The following MLF1 variants were observed in gnomAD, a reference collection of about 807,000 sequenced individuals.
The protein encoded by MLF1 is myeloid leukemia factor 1, also known as myelodysplasia-myeloid leukemia factor 1.
MLF1 carries 37 observed loss-of-function variants against 38.3 expected under a neutral mutation model. The observed-to-expected ratio is 0.96, with a 90% confidence interval of 0.74 to 1.27. The LOEUF (loss-of-function observed/expected upper bound fraction) is 1.27, where lower values mean the gene tolerates loss of function less well. Ranked by LOEUF, MLF1 falls within the 50% of genes most tolerant of loss-of-function variation. The pLI is 0.00. For synonymous variants in MLF1, 95 were observed against 106.5 expected, an observed-to-expected ratio of 0.89 and a Z score of 0.66; for missense variants, 331 against 349.2, an observed-to-expected ratio of 0.95 and a Z score of 0.42.
Position 158,571,263 on chromosome 3 carries a change from A to G in MLF1, c.-38A>G. The stretch of plus-strand genomic sequence containing the variant: ...GCGGCGAGTTAACATCGTTTTTCCA[A>G]TCTGTCCGCGGCTGCCGCCACCCAA... On this transcript the variant is annotated 5_prime_UTR_variant, in exon 1 of 8. Transcript: ENST00000466246. 6.5e-7 allele frequency: 1 copy of G among 1,543,518 alleles called. No homozygotes were observed. The highest frequency in any genetic ancestry group is 8.9e-7 in the Non-Finnish European group (1 of 1,118,888).
chr3:158,584,670 TG>T (rs202233117), intron 1 of MLF1, among the ~76,000 whole-genome samples: 3,234 of 111,540 alleles, frequency 0.029, 71 homozygotes, highest in East Asian at 0.098. Flanking sequence ...TGTGTGTGTG[TG>T]TGTGTGTGTG....
At chr3:158,593,052 A>T (rs1366891044) in intron 2 of MLF1, among the ~76,000 whole-genome samples, 1 of 152,120 alleles carries the variant, frequency 6.6e-6, no homozygotes, top group Non-Finnish European at 1.5e-5. Flanking sequence ...CTTTGCTTGT[A>T]TCTCAAAAGC....
rs946727212 is a variant in MLF1 at position 158,588,010 on chromosome 3, T to G, written c.48-4424T>G. Reference sequence around the variant, plus strand: ...AGTAAGACTCCGTCTCAAAAATAAATAAATTAATTAAATTAAAGAGCATGG... The same window carrying G: ...AGTAAGACTCCGTCTCAAAAATAAAGAAATTAATTAAATTAAAGAGCATGG... On this transcript the variant is annotated intron_variant, in intron 1 of 7. Transcript: ENST00000466246. Among the ~76,000 whole-genome samples, 12 of 151,976 alleles carry G rather than the reference T, an allele frequency of 7.9e-5. No individual in the cohort carries two copies. In the East Asian group the frequency reaches 2.3e-3, roughly 30 times the overall value.
chr3:158,571,353 T>C lies in MLF1; in HGVS notation c.47+6T>C. 3 of 1,613,010 alleles carry C rather than the reference T, an allele frequency of 1.9e-6. No homozygotes were observed. Among genetic ancestry groups the C allele is most frequent in the Non-Finnish European group, 2.5e-6 (3 of 1,179,888 alleles). The stretch of plus-strand genomic sequence containing the variant: ...GAGGATGACCCCTTCTTCTCGTGAG[T>C]TACGGGAGCCAGGAGTCCGGGGTCG... On this transcript the variant is annotated splice_donor_region_variant and intron_variant, in intron 1 of 7. Coordinates refer to ENST00000466246, the MANE Select transcript of MLF1 (RefSeq NM_001369783.1).
intron 1 of MLF1, chr3:158,588,772 G>T (rs944604352): frequency 2.5e-6 from 1 of 406,012 alleles, no homozygotes; most frequent in African/African-American, 2.1e-5. Flanking sequence ...AAAATTTTGA[G>T]ACCACATTCA....
intron 1 of MLF1, among the ~76,000 whole-genome samples, chr3:158,572,459 T>A (rs1420470151): frequency 2.3e-5 from 2 of 87,990 alleles, no homozygotes; most frequent in African/African-American, 9.6e-5. Context: ...GTTGAGGGTG[T>A]GAGGTGGATG....
At chr3:158,572,063 T>G (rs1714467555) in intron 1 of MLF1, among the ~76,000 whole-genome samples, 3 of 13,184 alleles carry the variant, frequency 2.3e-4, no homozygotes, top group African/African-American at 7.0e-4. Flanking sequence ...GTGAGGCGTT[T>G]GGAGGAGGGT....
chr3:158,585,037 GAAA>G (rs59014137), intron 1 of MLF1, among the ~76,000 whole-genome samples: 58 of 88,858 alleles, frequency 6.5e-4, no homozygotes, highest in African/African-American at 1.4e-3. Flanking sequence ...GACTCTGTCT[GAAA>G]AAAAAAAAAA....
chr3:158,598,244 A>G (rs1719189166), intron 5 of MLF1, 36 bp downstream of exon 5: 2 of 1,537,138 alleles, frequency 1.3e-6, no homozygotes, highest in East Asian at 5.0e-5. Context: ...AGTTTTATAA[A>G]GTTAGGGGAT....
intron 4 of MLF1, 121 bp from the exon 5 acceptor site, chr3:158,597,959 A>C (rs1262651421): frequency 1.8e-6 from 2 of 1,082,754 alleles, no homozygotes; most frequent in African/African-American, 3.2e-5. Context: ...CTTTGACTAC[A>C]CCATATTGGT....
chr3:158,571,223 G>C lies in MLF1; in HGVS notation c.-78G>C, dbSNP rs754702569. The C allele has an allele frequency of 1.7e-4, 204 of 1,224,870 alleles. No individual in the cohort carries two copies. The highest frequency in any genetic ancestry group is 3.7e-4 in the African/African-American group (25 of 67,456). 75.9% of individuals were successfully genotyped at this position (1,224,870 alleles called of 1,614,324 possible). A position where few individuals can be genotyped will look rare whatever the true frequency, so the allele number is the denominator to read the frequency against. On this transcript the variant is annotated 5_prime_UTR_variant, in exon 1 of 8. Transcript: ENST00000466246. ...GAGGCGTCGTCCGTACTGGAGGCTA[G>C]CTCTTGTCGCGGCCGCGGCGAGTTA... is the stretch of plus-strand genomic sequence containing the variant.
chr3:158,599,372 T>C (rs987159624), intron 5 of MLF1, among the ~76,000 whole-genome samples: 6 of 152,216 alleles, frequency 3.9e-5, no homozygotes, highest in South Asian at 2.1e-4. Flanking sequence ...TTAGTACTTA[T>C]AGTAAAAATT....
chr3:158,588,966 A>T, intron 1 of MLF1: 1 of 449,026 alleles, frequency 2.2e-6, no homozygotes, highest in Non-Finnish European at 4.5e-6. Context: ...GAGAAAACCA[A>T]GTATAGTTTA....
At chr3:158,590,753 G>A (rs1048515764) in intron 1 of MLF1, 8 of 455,960 alleles carry the variant, frequency 1.8e-5, no homozygotes, top group East Asian at 1.4e-4. Context: ...GCAAAGAGAC[G>A]AGGAAGCTTT....
At chr3:158,583,556 C>T (rs1204065827) in intron 1 of MLF1, among the ~76,000 whole-genome samples, 2 of 152,052 alleles carry the variant, frequency 1.3e-5, no homozygotes, top group African/African-American at 4.8e-5. Context: ...AACAGGAAAG[C>T]TACTTAAAAA....
intron 1 of MLF1, among the ~76,000 whole-genome samples, chr3:158,589,629 GTA>G (rs1466793972): frequency 6.6e-6 from 1 of 152,114 alleles, no homozygotes; most frequent in Non-Finnish European, 1.5e-5. Flanking sequence ...TGAGACTTTT[GTA>G]TATTTTAAAA....
At position 158,605,233 on chromosome 3, in the gene MLF1, ATTGTT is replaced by A; in HGVS notation, c.*34_*38del. The A allele has an allele frequency of 6.4e-7, 1 of 1,554,452 alleles. No individual in the cohort carries two copies. Among genetic ancestry groups the A allele is most frequent in the Non-Finnish European group, 8.8e-7 (1 of 1,132,402 alleles). ...CATGCATTTGATTTGTTTAGTTTTG[ATTGTT>A]TTAACAGTTAGTAATGGTGCTGGGT... On this transcript the variant is annotated 3_prime_UTR_variant, in exon 8 of 8. Coordinates refer to ENST00000466246, the MANE Select transcript of MLF1 (RefSeq NM_001369783.1).
intron 1 of MLF1, among the ~76,000 whole-genome samples, chr3:158,589,215 T>A (rs1222625255): frequency 6.6e-6 from 1 of 152,120 alleles, no homozygotes; most frequent in African/African-American, 2.4e-5. Context: ...TTTGTATTTT[T>A]TTTTATTTTA....
At chr3:158,571,636 A>T (rs1420503513) in intron 1 of MLF1, among the ~76,000 whole-genome samples, 1 of 29,276 alleles carries the variant, frequency 3.4e-5, no homozygotes, top group African/African-American at 1.6e-4. Context: ...TGGGGAGGAG[A>T]GTTAAGGCTG....
Sources: allele counts gnomAD v4.1 joint callset (sites outside exome capture counted in the v4.1 genomes callset), GRCh38; gene constraint gnomAD v4.1.1; transcripts MANE v1.5; gene names NCBI Gene and HGNC (gene_info 2026-07-23, HGNC 2026-07-21).